ZNF814: variants seen among roughly 807,000 people sequenced by gnomAD.
ZNF814 encodes the protein zinc finger protein 814.
A neutral mutation model predicts 7.5 loss-of-function variants in ZNF814; 5 were observed. That is an observed-to-expected ratio of 0.67 (90% confidence interval 0.35 to 1.40). The LOEUF is 1.40. Ranked by LOEUF, ZNF814 falls within the 40% of genes most tolerant of loss-of-function variation. The pLI is 0.04. For missense variants in ZNF814, 962 were observed against 1,018.0 expected (o/e 0.94, Z 0.75); for synonymous variants, 315 against 340.7 (o/e 0.92, Z 0.83).
At position 57,874,027 on chromosome 19, in the gene ZNF814, G is replaced by A; in HGVS notation, c.1363C>T (p.Gln455Ter). 1 of 1,612,972 alleles carries A rather than the reference G, an allele frequency of 6.2e-7. No homozygotes were observed. The highest frequency in any genetic ancestry group is 8.5e-7 in the Non-Finnish European group (1 of 1,179,540). The change falls in exon 3 of 3, where the codon CAA (glutamine) becomes TAA (stop). Residue 455 changes from glutamine to a stop codon, truncating the protein, a stop_gained. Coordinates refer to ENST00000435989, the MANE Select transcript of ZNF814 (RefSeq NM_001144989.2). LOFTEE classifies it low-confidence loss of function (END_TRUNC). Reference protein sequence around the residue: ...FSSEGHLRSHQRVHAGERPFK... With the variant: ...FSSEGHLRSH ...GGTCTTTCTCCGGCGTGAACTCGTT[G>A]ATGGCTCCTAAGATGTCCTTCTGAA...
intron 1 of ZNF814, among the ~76,000 whole-genome samples, chr19:57,883,394 G>A (rs1191199744): frequency 2.6e-5 from 4 of 151,052 alleles, no homozygotes; most frequent in Non-Finnish European, 5.9e-5. Flanking sequence ...CAGGCATGAT[G>A]GCTCATGCCT....
the ZNF814 span, among the ~76,000 whole-genome samples, chr19:57,895,136 A>C: frequency 6.6e-6 from 1 of 152,166 alleles, no homozygotes; most frequent in African/African-American, 2.4e-5. Context: ...GTGCCAAACC[A>C]GTTCTTAGCC....
At position 57,873,317 on chromosome 19, in the gene ZNF814, C is replaced by G. The variant is rs1382133124; in HGVS notation, c.2073G>C (p.Arg691Ser). 6.3e-7 allele frequency: 1 copy of G among 1,589,082 alleles called. No individual in the cohort carries two copies. Among genetic ancestry groups the G allele is most frequent in the Non-Finnish European group, 8.6e-7 (1 of 1,167,130 alleles). ...TCTTCTTAAATAATTTTCCACATTC[C>G]CTACATACATAAGGTCTTTCTCCAG... is the stretch of plus-strand genomic sequence containing the variant. ...GHTGERPYVC[R>S]ECGKLFKKKS... Residue 691 changes from arginine (R) to serine (S), a missense_variant, in exon 3 of 3, where the codon AGG (arginine) becomes AGC (serine). Physicochemically the swap from Arg to Ser is moderately radical, Grantham distance 110. This residue lies in a region of ZNF814 where 665 missense variants were observed against 551.4 expected (regional missense o/e 1.21). Transcript: ENST00000435989.
At chr19:57,888,103 C>A (rs2071708005) in intron 1 of ZNF814, among the ~76,000 whole-genome samples, 1 of 152,168 alleles carries the variant, frequency 6.6e-6, no homozygotes, top group Admixed American at 6.6e-5. Context: ...ATAAAGGACT[C>A]TTAATTCGTC....
At chr19:57,898,894 C>A in the ZNF814 span, among the ~76,000 whole-genome samples, 1 of 147,350 alleles carries the variant, frequency 6.8e-6, no homozygotes, top group African/African-American at 2.5e-5. Flanking sequence ...GAGCTGAGAT[C>A]GTGCCACTGC....
intron 2 of ZNF814, 75 bp downstream of exon 2, chr19:57,876,840 GA>G (rs1238099044): frequency 2.5e-6 from 4 of 1,591,082 alleles, no homozygotes; most frequent in Admixed American, 3.5e-5. Context: ...CCTGACATGA[GA>G]AAGTCTTACC....
the ZNF814 span, among the ~76,000 whole-genome samples, chr19:57,905,094 G>C: frequency 7.0e-6 from 1 of 143,020 alleles, no homozygotes; most frequent in African/African-American, 2.6e-5. Context: ...AAGAATCCTC[G>C]AATGTTCTCT....
intron 2 of ZNF814, among the ~76,000 whole-genome samples, chr19:57,875,770 A>C (rs1427028260): frequency 2.6e-5 from 4 of 152,112 alleles, no homozygotes; most frequent in African/African-American, 9.7e-5. Flanking sequence ...CAAAAGTTAA[A>C]AAAGAAAGAG....
upstream of ZNF814, among the ~76,000 whole-genome samples, chr19:57,889,949 A>G (rs34640515): frequency 0.025 from 3,815 of 152,348 alleles, 78 homozygotes; most frequent in Non-Finnish European, 0.039. Context: ...GCCTCTCCTT[A>G]GAACTCACAT....
At chr19:57,879,659 G>C (rs144224452) in intron 1 of ZNF814, among the ~76,000 whole-genome samples, 1 of 146,130 alleles carries the variant, frequency 6.8e-6, no homozygotes, top group Non-Finnish European at 1.5e-5. Flanking sequence ...CAGATATCCC[G>C]ACCTATGTGG....
the ZNF814 span, among the ~76,000 whole-genome samples, chr19:57,903,584 G>C: frequency 6.6e-6 from 1 of 152,142 alleles, no homozygotes; most frequent in Non-Finnish European, 1.5e-5. Flanking sequence ...AAAAGTAAAA[G>C]AGCAGGTTTT....
the ZNF814 span, among the ~76,000 whole-genome samples, chr19:57,898,939 C>CAAAA: frequency 1.1e-5 from 1 of 91,982 alleles, no homozygotes; most frequent in Non-Finnish European, 2.3e-5. Context: ...GACTCTGTCT[C>CAAAA]AAAAAAAAAA....
Position 57,873,165 on chromosome 19 carries a change from C to A in ZNF814, c.2225G>T (p.Arg742Met), listed in dbSNP as rs935577730. The change falls in exon 3 of 3, where the codon AGG (arginine) becomes ATG (methionine). Residue 742 changes from arginine to methionine, a missense_variant. Arg to Met is a moderately conservative substitution (Grantham distance 91). This residue lies in a region of ZNF814 where 665 missense variants were observed against 551.4 expected (regional missense o/e 1.21). Coordinates refer to ENST00000435989, the MANE Select transcript of ZNF814 (RefSeq NM_001144989.2). Reference protein sequence around the residue: ...IAHQRVHTGERPYECNDCGKS... With the variant: ...IAHQRVHTGEMPYECNDCGKS... ...TCCACAATCATTGCATTCATAAGGCCTTTCTCCAGTGTGAACTCTCTGATG... is the reference window on the plus strand; with the variant it reads ...TCCACAATCATTGCATTCATAAGGCATTTCTCCAGTGTGAACTCTCTGATG... 8.7e-6 allele frequency: 14 copies of A among 1,612,850 alleles called. No individual in the cohort carries two copies. The highest frequency in any genetic ancestry group is 1.2e-5 in the Non-Finnish European group (14 of 1,179,680).
At chr19:57,897,801 A>G in the ZNF814 span, among the ~76,000 whole-genome samples, 1 of 152,138 alleles carries the variant, frequency 6.6e-6, no homozygotes, top group Admixed American at 6.5e-5. Flanking sequence ...GTCACTGTAC[A>G]TAGAGGAATA....
intron 2 of ZNF814, among the ~76,000 whole-genome samples, chr19:57,875,527 T>G (rs1048641094): frequency 2.0e-5 from 3 of 152,206 alleles, no homozygotes; most frequent in African/African-American, 7.2e-5. Context: ...TCATGACATG[T>G]GAGTGCTGTA....
chr19:57,873,801 C>T lies in ZNF814; in HGVS notation c.1589G>A (p.Ser530Asn), dbSNP rs772373577. 6.3e-5 allele frequency: 102 copies of T among 1,613,902 alleles called. No individual in the cohort carries two copies. Among genetic ancestry groups the T allele is most frequent in the Non-Finnish European group, 8.4e-5 (99 of 1,179,994 alleles). ...YECGECGKSF[S>N]SKGHLRNHQQ... ...ATGGTTCCTAAGATGTCCTTTTGAA[C>T]TAAATGATTTCCCACATTCTCCACA... The change falls in exon 3 of 3, where the codon AGT (serine) becomes AAT (asparagine). Residue 530 changes from serine to asparagine, a missense_variant. Coordinates refer to ENST00000435989, the MANE Select transcript of ZNF814 (RefSeq NM_001144989.2).
At chr19:57,898,378 A>G in the ZNF814 span, among the ~76,000 whole-genome samples, 1 of 152,206 alleles carries the variant, frequency 6.6e-6, no homozygotes, top group South Asian at 2.1e-4. Context: ...CAGGAAAAGG[A>G]TTAGGAAAGA....
rs1207547926 is a variant in ZNF814 at position 57,877,055 on chromosome 19, T to C, written c.37-13A>G. ...AAGTCACTGTGCCCTGTTATGATGTTGACAGATGAAACTACAAACTGCCCC... is the reference window on the plus strand; with the variant it reads ...AAGTCACTGTGCCCTGTTATGATGTCGACAGATGAAACTACAAACTGCCCC... On this transcript the variant is annotated splice_polypyrimidine_tract_variant and intron_variant, in intron 1 of 2. Transcript: ENST00000435989. 1 of 1,613,652 alleles carries C rather than the reference T, an allele frequency of 6.2e-7. No individual in the cohort carries two copies. The highest frequency in any genetic ancestry group is 8.5e-7 in the Non-Finnish European group (1 of 1,179,714).
At chr19:57,897,390 A>G in the ZNF814 span, among the ~76,000 whole-genome samples, 1 of 152,210 alleles carries the variant, frequency 6.6e-6, no homozygotes, top group Non-Finnish European at 1.5e-5. Flanking sequence ...TGGACACACA[A>G]AAAAGGAATG....
Sources: allele counts gnomAD v4.1 joint callset (sites outside exome capture counted in the v4.1 genomes callset), GRCh38; gene constraint gnomAD v4.1.1; regional missense constraint gnomAD v4.1.1; transcripts MANE v1.5; gene names NCBI Gene and HGNC (gene_info 2026-07-23, HGNC 2026-07-21).